Variants in STAT2 observed in about 807,000 individuals in gnomAD.
STAT2 encodes the protein signal transducer and activator of transcription 2.
STAT2 carries 51 observed loss-of-function variants against 122.3 expected under a neutral mutation model. The observed-to-expected ratio is 0.42, with a 90% CI of 0.33 to 0.53. STAT2 has a LOEUF of 0.53. Among genes scored for constraint, STAT2 ranks in the 20% least tolerant of loss-of-function variants. The probability of loss-of-function intolerance (pLI) is 0.10; values close to 1 mark genes in which losing one functional copy is unlikely to be tolerated. For synonymous variants in STAT2, 351 were observed against 394.9 expected (o/e 0.89, Z 1.32); for missense variants, 736 against 1,010.3 (o/e 0.73, Z 3.68).
chr12:56,346,894 C>T lies in STAT2; in HGVS notation c.1786G>A (p.Gly596Ser). Reference protein sequence around the residue: ...ERRLLKKTMSGTFLLRFSESS... With the variant: ...ERRLLKKTMSSTFLLRFSESS... ...TCACTGAAGCGCAGTAGAAAGGTGCCAGACATGGTCTTCTTCAGCAGCCGG... is the reference window on the plus strand; with the variant it reads ...TCACTGAAGCGCAGTAGAAAGGTGCTAGACATGGTCTTCTTCAGCAGCCGG... Residue 596 changes from glycine (G) to serine (S), a missense_variant, in exon 20 of 24, where the codon GGC becomes AGC. By Grantham distance (56) the Gly-to-Ser change is moderately conservative. Transcript: ENST00000314128. 1.9e-6 allele frequency: 3 copies of T among 1,614,168 alleles called. No homozygotes were observed. The highest frequency in any genetic ancestry group is 2.5e-6 in the Non-Finnish European group (3 of 1,180,030).
At chr12:56,349,955 A>G in intron 13 of STAT2, 142 bp downstream of exon 13, 1 of 752,670 alleles carries the variant, frequency 1.3e-6, no homozygotes, top group African/African-American at 1.8e-5. Context: ...AGGCTGAGAC[A>G]GAAGAATTGC....
chr12:56,358,078 C>T (rs11171812), intron 1 of STAT2, among the ~76,000 whole-genome samples: 22,499 of 152,026 alleles, frequency 0.15, 5,485 homozygotes, highest in African/African-American at 0.51. Context: ...ACAAACATTA[C>T]TATTTCCACA....
chr12:56,355,017 T>C (rs1879288368), intron 6 of STAT2, 154 bp from the exon 7 acceptor site: 4 of 789,382 alleles, frequency 5.1e-6, no homozygotes, highest in Non-Finnish European at 8.3e-6. Flanking sequence ...AAATTCTGAA[T>C]GGTCATGCTT....
chr12:56,350,897 A>G lies in STAT2; in HGVS notation c.1035-9T>C. The G allele has an allele frequency of 6.2e-7, 1 of 1,614,112 alleles. No individual in the cohort carries two copies. Among genetic ancestry groups the G allele is most frequent in the East Asian group, 2.2e-5 (1 of 44,874 alleles). ...GGAGTCTCACCAGCAGCCTGGGGGA[A>G]GGAAGGGGGATAGGGGAAAGTGGTC... On this transcript the variant is annotated splice_polypyrimidine_tract_variant and intron_variant, in intron 10 of 23. Transcript: ENST00000314128.
chr12:56,355,528 T>C lies in STAT2; in HGVS notation c.386A>G (p.Gln129Arg), dbSNP rs1267651384. ...LIQAQRAQLE[Q>R]GEPVLETPVE... ...AGGTGTTTCGAGAACTGGCTCTCCTTGTTCCTGAAAAAAGAGGCTCTGAGC... is the reference window on the plus strand; with the variant it reads ...AGGTGTTTCGAGAACTGGCTCTCCTCGTTCCTGAAAAAAGAGGCTCTGAGC... Residue 129 changes from glutamine to arginine, a missense_variant, in exon 5 of 24, where the codon CAA becomes CGA. Gln to Arg is a conservative substitution (Grantham distance 43). Transcript: ENST00000314128. The C allele has an allele frequency of 2.5e-6, 4 of 1,614,188 alleles. No individual in the cohort carries two copies. The highest frequency in any genetic ancestry group is 1.7e-5 in the Admixed American group (1 of 60,018).
chr12:56,359,746 A>G (rs1880087921), intron 1 of STAT2, among the ~76,000 whole-genome samples: 1 of 152,246 alleles, frequency 6.6e-6, no homozygotes, highest in South Asian at 2.1e-4. Context: ...CTATCTTTGA[A>G]CATCGTTTTT....
intron 1 of STAT2, 112 bp from the exon 2 acceptor site, chr12:56,356,690 TA>T (rs1489633619): frequency 1.5e-6 from 2 of 1,372,086 alleles, no homozygotes; most frequent in Non-Finnish European, 1.9e-6. Context: ...ATACAAGTAA[TA>T]AAAATACAGA....
At chr12:56,350,267 T>C in intron 12 of STAT2, 77 bp from the exon 13 acceptor site, 1 of 1,433,874 alleles carries the variant, frequency 7.0e-7, no homozygotes, top group Non-Finnish European at 9.6e-7. Context: ...AAAACAGAAG[T>C]TCCACTTCAT....
chr12:56,346,251 T>A lies in STAT2; in HGVS notation c.2045-48A>T, dbSNP rs188762342. Reference sequence around the variant, plus strand: ...GCAGAGAAGATCAGTGGGCCAGACATATAGCCTGAGGTTCCCCTAGTGCAG... The same window carrying A: ...GCAGAGAAGATCAGTGGGCCAGACAAATAGCCTGAGGTTCCCCTAGTGCAG... On this transcript the variant is annotated intron_variant, in intron 21 of 23. Coordinates refer to ENST00000314128, the MANE Select transcript of STAT2 (RefSeq NM_005419.4). 3.5e-4 allele frequency: 560 copies of A among 1,610,404 alleles called. 2 individuals are homozygous for A. In the East Asian group the frequency reaches 0.01, roughly 30 times the overall value.
At chr12:56,349,342 C>T in intron 15 of STAT2, 81 bp from the exon 16 acceptor site, 1 of 1,614,028 alleles carries the variant, frequency 6.2e-7, no homozygotes, top group Non-Finnish European at 8.5e-7. Context: ...AGTGCTAACC[C>T]ACCCCAAGAG....
At chr12:56,350,787 A>G in intron 11 of STAT2, 42 bp downstream of exon 11, 3 of 1,610,024 alleles carry the variant, frequency 1.9e-6, no homozygotes, top group Non-Finnish European at 2.5e-6. Context: ...CCTCCACCCC[A>G]GCAGCCCGTG....
At position 56,349,643 on chromosome 12, in the gene STAT2, A is replaced by T; in HGVS notation, c.1210-7T>A. The T allele has an allele frequency of 6.2e-7, 1 of 1,614,196 alleles. No homozygotes were observed. Among genetic ancestry groups the T allele is most frequent in the Non-Finnish European group, 8.5e-7 (1 of 1,180,034 alleles). On this transcript the variant is annotated splice_region_variant and splice_polypyrimidine_tract_variant and intron_variant, in intron 13 of 23. Coordinates refer to ENST00000314128, the MANE Select transcript of STAT2 (RefSeq NM_005419.4). ...AACGTTGCTCCACCAGAGTCTGTGA[A>T]TTGAAGGGAAGGAGAGAAAATGCCA... is the stretch of plus-strand genomic sequence containing the variant.
In STAT2 at chr12:56,356,582, C is replaced by T. The variant is rs1242963327; in HGVS notation, c.-7-4G>A. 18 of 1,613,742 alleles carry T rather than the reference C, an allele frequency of 1.1e-5. No homozygotes were observed. Among genetic ancestry groups the T allele is most frequent in the East Asian group, 4.5e-5 (2 of 44,898 alleles). The stretch of plus-strand genomic sequence containing the variant: ...TTCCCACTGCGCCATTTGGGCTCTG[C>T]GTCAGAAGGATGAGGGTTCCCAATT... On this transcript the variant is annotated splice_polypyrimidine_tract_variant and splice_region_variant and intron_variant, in intron 1 of 23. Transcript: ENST00000314128.
rs1322097666 is a variant in STAT2, at chr12:56,354,742, C to T, written c.633+36G>A. 3 of 1,613,800 alleles carry T rather than the reference C, an allele frequency of 1.9e-6. No homozygotes were observed. The South Asian group carries it at 3.3e-5, about 18-fold the overall frequency. On this transcript the variant is annotated intron_variant, in intron 7 of 23. Coordinates refer to ENST00000314128, the MANE Select transcript of STAT2 (RefSeq NM_005419.4). ...CCCCACATCCCTCATTTTTCCAGGT[C>T]CTTGTTGCCCACATGTTCTGTCCTC...
intron 1 of STAT2, among the ~76,000 whole-genome samples, chr12:56,357,026 ATTTTTTTTTTTTTT>A (rs34402362): frequency 1.6e-3 from 109 of 66,386 alleles, no homozygotes; most frequent in Non-Finnish European, 2.8e-3. Context: ...CCTAATCTGT[ATTTTTTTTTTTTTT>A]TTTTTTTTTT....
rs568666477 is a variant in STAT2, at chr12:56,356,363, A to G, written c.131+78T>C. On this transcript the variant is annotated intron_variant, in intron 2 of 23. Transcript: ENST00000314128. ...TGAGGCTTTCCAACCCCTTCCTGCC[A>G]TTAATGATTCCAGGATCCCGGGGGC... The G allele has an allele frequency of 4.4e-6, 7 of 1,606,008 alleles. No individual in the cohort carries two copies. The South Asian group carries it at 6.6e-5, about 15-fold the overall frequency.
chr12:56,354,016 A>AAAAAAAAAAAAAAAAT (rs71081350), intron 8 of STAT2, among the ~76,000 whole-genome samples: 1 of 16,698 alleles, frequency 6.0e-5, no homozygotes, highest in African/African-American at 1.1e-4. Context: ...AAAAAAAAAA[A>AAAAAAAAAAAAAAAAT]ATATATATAT....
Position 56,356,256 on chromosome 12 carries a change from G to A in STAT2, c.161C>T (p.Ser54Phe). 1 of 1,612,296 alleles carries A rather than the reference G, an allele frequency of 6.2e-7. No homozygotes were observed. Among genetic ancestry groups the A allele is most frequent in the Non-Finnish European group, 8.5e-7 (1 of 1,180,020 alleles). ...GTGGAAGAATAGCATGGTAGCCTTGGAATCATCACTCCCAAGTGCAGCTTC... is the reference window on the plus strand; with the variant it reads ...GTGGAAGAATAGCATGGTAGCCTTGAAATCATCACTCCCAAGTGCAGCTTC... ...WQEAALGSDD[S>F]KATMLFFHFL... is the part of the protein sequence containing the mutation. The change falls in exon 3 of 24, where the codon TCC becomes TTC. Residue 54 changes from serine to phenylalanine, a missense_variant. Coordinates refer to ENST00000314128, the MANE Select transcript of STAT2 (RefSeq NM_005419.4).
chr12:56,348,441 C>T lies in STAT2; in HGVS notation c.1724+88G>A, dbSNP rs769152702. Reference sequence around the variant, plus strand: ...TGGCCTGCACCTGTCTTTGCTCTCTCTCCCTGCTTGCCACGTGAGGGTGCA... The same window carrying T: ...TGGCCTGCACCTGTCTTTGCTCTCTTTCCCTGCTTGCCACGTGAGGGTGCA... On this transcript the variant is annotated intron_variant, in intron 19 of 23. Transcript: ENST00000314128. 2.2e-6 allele frequency: 3 copies of T among 1,387,678 alleles called. No individual in the cohort carries two copies. The African/African-American group carries it at 4.3e-5, about 20-fold the overall frequency. 86.0% of individuals were successfully genotyped at this position (1,387,678 alleles called of 1,614,324 possible).
Sources: gnomAD v4.1 joint callset for allele counts (sites outside exome capture counted in the v4.1 genomes callset) on GRCh38, gnomAD v4.1.1 for gene constraint, MANE v1.5 for transcripts, NCBI Gene and HGNC (gene_info 2026-07-23, HGNC 2026-07-21) for gene names.